The following PLCL1 variants were observed in gnomAD, a reference collection of about 807,000 sequenced individuals.
The protein encoded by PLCL1 is inactive phospholipase C-like protein 1.
In PLCL1, 41 loss-of-function variants were observed where a neutral mutation model predicts 84.4. That is an observed-to-expected ratio of 0.49 (90% confidence interval 0.38 to 0.63). PLCL1 has a LOEUF of 0.63. Ranked by LOEUF, PLCL1 falls within the 30% of genes least tolerant of loss-of-function variation. The pLI is 0.00. For missense variants in PLCL1, 1,206 were observed against 1,367.8 expected (o/e 0.88, Z 1.87); for synonymous variants, 490 against 488.3 (o/e 1.00, Z -0.05).
intron 1 of PLCL1, among the ~76,000 whole-genome samples, chr2:197,832,026 A>G (rs1331439746): frequency 6.6e-6 from 1 of 152,220 alleles, no homozygotes; most frequent in Admixed American, 6.5e-5. Context: ...GGAAACTTAT[A>G]GCACTAAATG....
intron 3 of PLCL1, among the ~76,000 whole-genome samples, chr2:198,095,862 A>G (rs1039689648): frequency 1.3e-5 from 2 of 152,216 alleles, no homozygotes; most frequent in African/African-American, 4.8e-5. Context: ...ATTCTGTGTA[A>G]CCAAAGATGA....
chr2:197,883,811 C>G (rs1319071796), intron 1 of PLCL1, among the ~76,000 whole-genome samples: 3 of 152,132 alleles, frequency 2.0e-5, no homozygotes, highest in Non-Finnish European at 2.9e-5. Flanking sequence ...TTCCTTATAT[C>G]AAGTTGAGTA....
intron 1 of PLCL1, among the ~76,000 whole-genome samples, chr2:197,971,231 A>G (rs1689857391): frequency 6.6e-6 from 1 of 152,240 alleles, no homozygotes; most frequent in Non-Finnish European, 1.5e-5. Flanking sequence ...GGAAACAGAA[A>G]AAGAGAAATG....
At chr2:197,896,457 ACT>A (rs1305326852) in intron 1 of PLCL1, among the ~76,000 whole-genome samples, 2 of 151,170 alleles carry the variant, frequency 1.3e-5, no homozygotes, top group Non-Finnish European at 3.0e-5. Context: ...TCCTCTTTCC[ACT>A]CTCTTCTTTT....
At position 198,084,668 on chromosome 2, in the gene PLCL1, C is replaced by T. The variant is rs1182125285; in HGVS notation, c.1151C>T (p.Ser384Leu). ...IDGFTQYLLS[S>L]ECDIFDPEQK... ...GGCTTTACCCAGTATTTATTGTCAT[C>T]AGAATGTGACATTTTTGATCCTGAG... The change falls in exon 2 of 6, where the codon TCA (serine) becomes TTA (leucine). Residue 384 changes from serine to leucine, a missense_variant. By Grantham distance (145) the Ser-to-Leu change is moderately radical (BLOSUM62 -2). Coordinates refer to ENST00000428675, the MANE Select transcript of PLCL1 (RefSeq NM_006226.4). 3 of 1,613,770 alleles carry T rather than the reference C, an allele frequency of 1.9e-6. No individual in the cohort carries two copies. The highest frequency in any genetic ancestry group is 3.3e-5 in the Admixed American group (2 of 59,990).
chr2:197,995,774 G>T (rs112153231), intron 1 of PLCL1, among the ~76,000 whole-genome samples: 1 of 152,172 alleles, frequency 6.6e-6, no homozygotes, highest in Non-Finnish European at 1.5e-5. Flanking sequence ...ATGGGGGGGC[G>T]TGTGCCCAGC....
intron 1 of PLCL1, among the ~76,000 whole-genome samples, chr2:198,055,820 TA>T (rs1380736475): frequency 3.9e-5 from 6 of 152,188 alleles, no homozygotes; most frequent in African/African-American, 1.4e-4. Context: ...CATTTATTTG[TA>T]GTGATAGGGA....
At chr2:197,814,116 C>T (rs1452464470) in intron 1 of PLCL1, among the ~76,000 whole-genome samples, 3 of 152,074 alleles carry the variant, frequency 2.0e-5, no homozygotes, top group Admixed American at 6.6e-5. Context: ...CCTAGTAGTA[C>T]AAGCAAACTT....
At chr2:197,917,981 T>C (rs1335927406) in intron 1 of PLCL1, among the ~76,000 whole-genome samples, 1 of 152,104 alleles carries the variant, frequency 6.6e-6, no homozygotes, top group Non-Finnish European at 1.5e-5. Flanking sequence ...GAGTCCATAC[T>C]GATATAAAGA....
intron 1 of PLCL1, among the ~76,000 whole-genome samples, chr2:197,860,891 T>C (rs1011675210): frequency 6.6e-6 from 1 of 152,338 alleles, no homozygotes; most frequent in African/African-American, 2.4e-5. Flanking sequence ...CATTTGTCAA[T>C]TTTTGCTTTT....
chr2:197,858,215 A>G (rs1687364259), intron 1 of PLCL1, among the ~76,000 whole-genome samples: 1 of 152,186 alleles, frequency 6.6e-6, no homozygotes, highest in Non-Finnish European at 1.5e-5. Context: ...AAACAAAGGG[A>G]CCTGAGCTCA....
In PLCL1 at chr2:197,866,129, ATATATATATAAAC is replaced by A. The variant is rs1687533190; in HGVS notation, c.240+60801_240+60813del. On this transcript the variant is annotated intron_variant, in intron 1 of 5. Coordinates refer to ENST00000428675, the MANE Select transcript of PLCL1 (RefSeq NM_006226.4). Reference sequence around the variant, plus strand: ...TAAACTATATATATATATAAACTATATATATATATAAACTATATATATATATAAACTATATATA... The same window carrying A: ...TAAACTATATATATATATAAACTATATATATATATATATAAACTATATATA... 1.4e-4 allele frequency among the ~76,000 whole-genome samples: 2 copies of A among 14,636 alleles called. 1 individual carries two copies. The highest frequency in any genetic ancestry group is 1.8e-3 in the African/African-American group (2 of 1,142). The allele number at this position is 14,636 out of a possible 152,430, so 9.6% of individuals were successfully genotyped here.
chr2:198,054,340 T>TGCAGAATACTCCATCCAACAGCA (rs1692013202), intron 1 of PLCL1, among the ~76,000 whole-genome samples: 2 of 152,228 alleles, frequency 1.3e-5, no homozygotes, highest in Non-Finnish European at 2.9e-5. Flanking sequence ...AACAGACATA[T>TGCAGAATACTCCATCCAACAGCA]GCAGAATACT....
At chr2:197,972,214 C>T (rs964032321) in intron 1 of PLCL1, among the ~76,000 whole-genome samples, 2 of 152,182 alleles carry the variant, frequency 1.3e-5, no homozygotes, top group African/African-American at 4.8e-5. Flanking sequence ...GTTTTTGAGG[C>T]AGGCTGCCAA....
At chr2:197,958,078 CT>C (rs1689527339) in intron 1 of PLCL1, among the ~76,000 whole-genome samples, 1 of 151,898 alleles carries the variant, frequency 6.6e-6, no homozygotes, top group African/African-American at 2.4e-5. Flanking sequence ...TGTCTAGTAG[CT>C]TTTATATTTG....
At chr2:198,089,188 A>G in intron 3 of PLCL1, 127 bp downstream of exon 3, 1 of 703,828 alleles carries the variant, frequency 1.4e-6, no homozygotes, top group Non-Finnish European at 2.5e-6. Flanking sequence ...GATTGGAGGT[A>G]GCATGCAGAG....
At chr2:197,912,926 A>G (rs993710575) in intron 1 of PLCL1, among the ~76,000 whole-genome samples, 36 of 145,110 alleles carry the variant, frequency 2.5e-4, no homozygotes, top group African/African-American at 8.2e-4. Context: ...CAATGTGCAC[A>G]TGTACCCTAA....
At chr2:198,021,437 C>CA (rs1039389022) in intron 1 of PLCL1, among the ~76,000 whole-genome samples, 5 of 151,682 alleles carry the variant, frequency 3.3e-5, no homozygotes, top group South Asian at 2.1e-4. Context: ...AAAAACGCTT[C>CA]AAAAAAATCA....
At chr2:197,950,773 T>C (rs769637194) in intron 1 of PLCL1, among the ~76,000 whole-genome samples, 55 of 152,280 alleles carry the variant, frequency 3.6e-4, no homozygotes, top group Non-Finnish European at 6.8e-4. Flanking sequence ...AATTGTAAGA[T>C]AGGAATGTGG....
Sources: allele counts gnomAD v4.1 joint callset (sites outside exome capture counted in the v4.1 genomes callset), GRCh38; gene constraint gnomAD v4.1.1; transcripts MANE v1.5; gene names NCBI Gene and HGNC (gene_info 2026-07-23, HGNC 2026-07-21).